IL1RAPL1: variants seen among roughly 807,000 people sequenced by gnomAD.
The protein encoded by IL1RAPL1 is interleukin-1 receptor accessory protein-like 1.
IL1RAPL1 carries 3 observed loss-of-function variants against 48.4 expected under a neutral mutation model. That is an observed-to-expected ratio of 0.06 (90% CI 0.03 to 0.16). IL1RAPL1 has a LOEUF of 0.16. Among genes scored for constraint, IL1RAPL1 ranks in the 10% least tolerant of loss-of-function variants. IL1RAPL1 has a pLI of 1.00. For missense variants in IL1RAPL1, 349 were observed against 530.6 expected, an observed-to-expected ratio of 0.66 and a Z score of 3.36; for synonymous variants, 185 against 187.7, an observed-to-expected ratio of 0.99 and a Z score of 0.12.
At chrX:29,008,721 T>G (rs1334423020) in intron 2 of IL1RAPL1, among the ~76,000 whole-genome samples, 2 of 111,258 alleles carry the variant, frequency 1.8e-5, no homozygotes, top group African/African-American at 6.5e-5. Flanking sequence ...GTTTTTTACC[T>G]GGGTATATTG....
At chrX:29,016,693 G>A (rs1926249332) in intron 2 of IL1RAPL1, among the ~76,000 whole-genome samples, 1 of 110,950 alleles carries the variant, frequency 9.0e-6, no homozygotes, top group South Asian at 3.7e-4. Context: ...TGTGTGTGTA[G>A]GTTTCTATAG....
At chrX:28,661,574 G>A (rs1934822721) in intron 1 of IL1RAPL1, among the ~76,000 whole-genome samples, 1 of 111,032 alleles carries the variant, frequency 9.0e-6, no homozygotes, top group Non-Finnish European at 1.9e-5. Flanking sequence ...AGTATTCTGT[G>A]TTTAAACGTG....
At chrX:29,480,624 GT>G (rs772424648) in intron 5 of IL1RAPL1, among the ~76,000 whole-genome samples, 1 of 110,180 alleles carries the variant, frequency 9.1e-6, no homozygotes, top group South Asian at 3.9e-4. Context: ...GCGGGGAGAG[GT>G]AATGTGTACT....
chrX:29,454,609 C>A (rs182758468), intron 5 of IL1RAPL1, among the ~76,000 whole-genome samples: 1 of 110,880 alleles, frequency 9.0e-6, no homozygotes, highest in South Asian at 3.8e-4. Context: ...TGGAGAGAAA[C>A]GAGGGAGGTA....
intron 5 of IL1RAPL1, among the ~76,000 whole-genome samples, chrX:29,590,765 G>T (rs1257610250): frequency 9.0e-6 from 1 of 111,453 alleles, no homozygotes; most frequent in Non-Finnish European, 1.9e-5. Context: ...CATTGGAGTT[G>T]ATGACTGCAT....
intron 5 of IL1RAPL1, among the ~76,000 whole-genome samples, chrX:29,544,960 T>C (rs1270458089): frequency 9.1e-6 from 1 of 110,408 alleles, no homozygotes; most frequent in Non-Finnish European, 1.9e-5. Flanking sequence ...ATTAGGATAC[T>C]TGGAGGAAGC....
intron 5 of IL1RAPL1, among the ~76,000 whole-genome samples, chrX:29,591,485 G>A (rs1923369036): frequency 8.9e-6 from 1 of 112,491 alleles, no homozygotes; most frequent in African/African-American, 3.2e-5. Context: ...GGTAGAGGGA[G>A]AGCAAGTCAC....
chrX:29,954,380 G>T, intron 9 of IL1RAPL1, 142 bp from the exon 10 acceptor site: 1 of 493,014 alleles, frequency 2.0e-6, no homozygotes, highest in Non-Finnish European at 3.5e-6. Flanking sequence ...TGAACTCAAT[G>T]AAACTTAATG....
chrX:28,943,943 C>T (rs1377638374), intron 2 of IL1RAPL1, among the ~76,000 whole-genome samples: 2 of 110,919 alleles, frequency 1.8e-5, no homozygotes, highest in African/African-American at 6.5e-5. Context: ...TATGCAACTG[C>T]TGCATTTGGA....
At chrX:29,876,415 C>T (rs1337163791) in intron 6 of IL1RAPL1, among the ~76,000 whole-genome samples, 1 of 111,375 alleles carries the variant, frequency 9.0e-6, no homozygotes, top group African/African-American at 3.3e-5. Flanking sequence ...TCCTTACTTT[C>T]GCTTTAAGGA....
At chrX:29,913,862 G>C (rs1354404916) in intron 6 of IL1RAPL1, among the ~76,000 whole-genome samples, 1 of 110,619 alleles carries the variant, frequency 9.0e-6, no homozygotes. Context: ...GCGTCATCAG[G>C]GTCCATTCGT....
intron 4 of IL1RAPL1, among the ~76,000 whole-genome samples, chrX:29,398,594 A>G (rs1490845576): frequency 8.9e-6 from 1 of 112,349 alleles, no homozygotes; most frequent in African/African-American, 3.2e-5. Context: ...TGCATACACT[A>G]TGAAGAGATT....
At chrX:29,826,531 A>C (rs188996486) in intron 6 of IL1RAPL1, among the ~76,000 whole-genome samples, 1 of 111,580 alleles carries the variant, frequency 9.0e-6, no homozygotes, top group Non-Finnish European at 1.9e-5. Flanking sequence ...ATTTGTGGTC[A>C]CTTCCTATTC....
chrX:29,134,969 C>G (rs1228939417), intron 2 of IL1RAPL1, among the ~76,000 whole-genome samples: 1 of 111,932 alleles, frequency 8.9e-6, no homozygotes, highest in Non-Finnish European at 1.9e-5. Flanking sequence ...TATCAGATAT[C>G]ATATTATTTT....
intron 5 of IL1RAPL1, among the ~76,000 whole-genome samples, chrX:29,433,410 C>T (rs1235309358): frequency 1.8e-5 from 2 of 111,164 alleles, no homozygotes; most frequent in African/African-American, 6.5e-5. Context: ...TTTCCTGTGA[C>T]ATACATTCTT....
chrX:29,921,341 TGAAAA>T (rs1372516271), intron 8 of IL1RAPL1, among the ~76,000 whole-genome samples: 8 of 112,346 alleles, frequency 7.1e-5, no homozygotes, highest in Non-Finnish European at 1.3e-4. Flanking sequence ...CTTTGAGGTT[TGAAAA>T]GAAAGAGAAC....
intron 2 of IL1RAPL1, among the ~76,000 whole-genome samples, chrX:28,921,354 G>C (rs1190032651): frequency 8.9e-6 from 1 of 112,087 alleles, no homozygotes; most frequent in East Asian, 2.8e-4. Context: ...AAAGTTAAAG[G>C]GTGATTGTTA....
At chrX:29,818,969 T>C (rs940389749) in intron 6 of IL1RAPL1, among the ~76,000 whole-genome samples, 10 of 112,016 alleles carry the variant, frequency 8.9e-5, no homozygotes, top group African/African-American at 3.2e-4. Context: ...GCGTCATTTA[T>C]ATGGATAAAT....
At chrX:29,715,180 G>A (rs1927448990) in intron 6 of IL1RAPL1, among the ~76,000 whole-genome samples, 1 of 111,549 alleles carries the variant, frequency 9.0e-6, no homozygotes, top group African/African-American at 3.3e-5. Context: ...GCTGCTAGGA[G>A]TTTTGGGTTA....
Sources: allele counts gnomAD v4.1 joint callset (sites outside exome capture counted in the v4.1 genomes callset), GRCh38; gene constraint gnomAD v4.1.1; transcripts MANE v1.5; gene names NCBI Gene and HGNC (gene_info 2026-07-23, HGNC 2026-07-21).